GPC5: variants seen among roughly 807,000 people sequenced by gnomAD.
GPC5 encodes glypican-5.
A neutral mutation model predicts 53.9 loss-of-function variants in GPC5; 47 were observed. The ratio of observed to expected loss-of-function variants is 0.87; its 90% CI spans 0.69 to 1.11. GPC5 has a LOEUF of 1.11. Ranked by LOEUF, GPC5 falls within the 50% of genes most tolerant of loss-of-function variation. The pLI is 0.00. For synonymous variants in GPC5, 286 were observed against 263.3 expected (o/e 1.09, Z -0.84); for missense variants, 748 against 713.1 (o/e 1.05, Z -0.56).
intron 7 of GPC5, among the ~76,000 whole-genome samples, chr13:92,292,840 G>T (rs1191912699): frequency 6.6e-6 from 1 of 152,038 alleles, no homozygotes; most frequent in African/African-American, 2.4e-5. Flanking sequence ...GTTGATTTTT[G>T]TATGAGTTGA....
At chr13:92,104,733 T>A (rs1243661711) in intron 6 of GPC5, among the ~76,000 whole-genome samples, 3 of 152,130 alleles carry the variant, frequency 2.0e-5, no homozygotes, top group Non-Finnish European at 4.4e-5. Flanking sequence ...CTTATAGATC[T>A]TTGTGCCTCA....
intron 6 of GPC5, among the ~76,000 whole-genome samples, chr13:92,038,805 C>T (rs9301771): frequency 0.47 from 71,817 of 151,588 alleles, 17,385 homozygotes; most frequent in Admixed American, 0.53. Flanking sequence ...CGAATGCAAA[C>T]AGAGAAGTGA....
intron 7 of GPC5, among the ~76,000 whole-genome samples, chr13:92,186,146 A>T (rs1444433877): frequency 1.3e-5 from 2 of 152,060 alleles, no homozygotes; most frequent in Non-Finnish European, 2.9e-5. Context: ...TGCAAGCAGA[A>T]CATTGATCTT....
At chr13:92,726,394 G>T (rs1888648947) in intron 7 of GPC5, among the ~76,000 whole-genome samples, 1 of 151,260 alleles carries the variant, frequency 6.6e-6, no homozygotes, top group African/African-American at 2.4e-5. Flanking sequence ...TTTGTTTATT[G>T]TTTGTTTGTT....
At chr13:92,229,277 T>C (rs1487125807) in intron 7 of GPC5, among the ~76,000 whole-genome samples, 1 of 152,132 alleles carries the variant, frequency 6.6e-6, no homozygotes, top group Non-Finnish European at 1.5e-5. Context: ...ATACTCATAA[T>C]AATTTTAAAA....
At chr13:91,623,533 C>CT (rs2033919871) in intron 2 of GPC5, among the ~76,000 whole-genome samples, 1 of 152,032 alleles carries the variant, frequency 6.6e-6, no homozygotes, top group Non-Finnish European at 1.5e-5. Context: ...GGTTTGGGGT[C>CT]TTTTATGGCA....
intron 6 of GPC5, among the ~76,000 whole-genome samples, chr13:91,944,378 G>T (rs2039956655): frequency 6.6e-6 from 1 of 152,264 alleles, no homozygotes; most frequent in Non-Finnish European, 1.5e-5. Context: ...TTACAGGCGT[G>T]AGCCACCGCG....
chr13:92,813,198 G>A (rs2138800984), intron 7 of GPC5, among the ~76,000 whole-genome samples: 1 of 151,954 alleles, frequency 6.6e-6, no homozygotes, highest in East Asian at 1.9e-4. Context: ...TCCTAACAAT[G>A]TCAGAAACGA....
chr13:92,444,702 G>C (rs1406564974), intron 7 of GPC5, among the ~76,000 whole-genome samples: 1 of 127,022 alleles, frequency 7.9e-6, no homozygotes, highest in Non-Finnish European at 1.6e-5. Context: ...GAGAAGAGTG[G>C]ATTCCTGAAA....
chr13:91,830,754 A>G (rs1049590887), intron 5 of GPC5, among the ~76,000 whole-genome samples: 3 of 140,676 alleles, frequency 2.1e-5, no homozygotes, highest in African/African-American at 5.3e-5. Context: ...AAATATACAC[A>G]TATATATATC....
chr13:92,005,007 TG>T (rs1184032198), intron 6 of GPC5, among the ~76,000 whole-genome samples: 2 of 152,266 alleles, frequency 1.3e-5, no homozygotes, highest in South Asian at 2.1e-4. Context: ...AAATTGAGGG[TG>T]GGTCTGCCTT....
At chr13:91,676,801 A>G (rs2035394211) in intron 2 of GPC5, among the ~76,000 whole-genome samples, 1 of 152,204 alleles carries the variant, frequency 6.6e-6, no homozygotes, top group African/African-American at 2.4e-5. Flanking sequence ...TCATCCAGAG[A>G]ATGCTTTTGA....
At chr13:92,368,522 T>C (rs2043623955) in intron 7 of GPC5, among the ~76,000 whole-genome samples, 1 of 149,384 alleles carries the variant, frequency 6.7e-6, no homozygotes, top group South Asian at 2.1e-4. Flanking sequence ...CAGGCACCTG[T>C]AATCCCAGCT....
At chr13:92,352,186 A>C (rs1226948591) in intron 7 of GPC5, among the ~76,000 whole-genome samples, 2 of 152,312 alleles carry the variant, frequency 1.3e-5, no homozygotes, top group East Asian at 3.9e-4. Context: ...GCCACAGAGA[A>C]GGGGCTATTC....
At chr13:92,694,927 G>A (rs749622912) in intron 7 of GPC5, among the ~76,000 whole-genome samples, 6 of 152,136 alleles carry the variant, frequency 3.9e-5, no homozygotes, top group Non-Finnish European at 5.9e-5. Flanking sequence ...TGATTAGATC[G>A]GTGTAGGGTG....
At chr13:92,277,864 G>T (rs1258680598) in intron 7 of GPC5, among the ~76,000 whole-genome samples, 1 of 151,750 alleles carries the variant, frequency 6.6e-6, no homozygotes, top group African/African-American at 2.4e-5. Context: ...GGGCAGTAAG[G>T]TCTAACTCCT....
At chr13:91,761,413 C>T (rs531006157) in intron 5 of GPC5, among the ~76,000 whole-genome samples, 64 of 152,168 alleles carry the variant, frequency 4.2e-4, no homozygotes, top group Non-Finnish European at 7.5e-4. Flanking sequence ...TGAGTGTCCT[C>T]CAATTCAATT....
At chr13:92,417,119 A>G (rs1328297097) in intron 7 of GPC5, among the ~76,000 whole-genome samples, 1 of 152,174 alleles carries the variant, frequency 6.6e-6, no homozygotes, top group African/African-American at 2.4e-5. Context: ...CTTTTGCACC[A>G]TAGTAAAATA....
chr13:92,573,538 T>C (rs1163546444), intron 7 of GPC5, among the ~76,000 whole-genome samples: 1 of 152,182 alleles, frequency 6.6e-6, no homozygotes, highest in Non-Finnish European at 1.5e-5. Context: ...TTCTTCAATA[T>C]TTACTCTGTG....
Sources: allele counts gnomAD v4.1 joint callset (sites outside exome capture counted in the v4.1 genomes callset), GRCh38; gene constraint gnomAD v4.1.1; transcripts MANE v1.5; gene names NCBI Gene and HGNC (gene_info 2026-07-23, HGNC 2026-07-21).